Variants in HPSE2 observed in about 807,000 individuals in gnomAD.
HPSE2 encodes heparanase 2 (inactive), also known as inactive heparanase-2.
A neutral mutation model predicts 60.5 loss-of-function variants in HPSE2; 38 were observed. The observed-to-expected ratio is 0.63, with a 90% confidence interval of 0.48 to 0.82. The LOEUF is 0.82. HPSE2 is among the 40% of genes least tolerant of loss of function. The pLI is 0.00. For missense variants in HPSE2, 713 were observed against 740.4 expected, an observed-to-expected ratio of 0.96 and a Z score of 0.43; for synonymous variants, 295 against 293.2, an observed-to-expected ratio of 1.01 and a Z score of -0.06.
intron 10 of HPSE2, among the ~76,000 whole-genome samples, chr10:98,489,842 A>G (rs755830624): frequency 2.0e-5 from 3 of 152,238 alleles, no homozygotes; most frequent in Non-Finnish European, 2.9e-5. Context: ...TTTATGATTA[A>G]TCCTCTAAGT....
chr10:98,512,589 A>AC (rs1055835145), intron 9 of HPSE2, among the ~76,000 whole-genome samples: 1 of 151,590 alleles, frequency 6.6e-6, no homozygotes, highest in African/African-American at 2.4e-5. Context: ...CGTCTCAAAA[A>AC]AAAAAAAAAT....
intron 3 of HPSE2, among the ~76,000 whole-genome samples, chr10:98,935,276 C>T (rs1254633829): frequency 7.0e-6 from 1 of 142,856 alleles, no homozygotes; most frequent in Admixed American, 7.0e-5. Context: ...TTTCTAAAGC[C>T]TACTTCTGTC....
intron 6 of HPSE2, among the ~76,000 whole-genome samples, chr10:98,687,933 T>C (rs1216794651): frequency 6.6e-6 from 1 of 152,226 alleles, no homozygotes; most frequent in Non-Finnish European, 1.5e-5. Flanking sequence ...GTTTAGGACA[T>C]TTACACTTAG....
intron 9 of HPSE2, among the ~76,000 whole-genome samples, chr10:98,612,787 T>C (rs570954230): frequency 6.6e-6 from 1 of 152,318 alleles, no homozygotes; most frequent in South Asian, 2.1e-4. Context: ...GGTGATCTGT[T>C]TAAAATGTAA....
intron 3 of HPSE2, among the ~76,000 whole-genome samples, chr10:98,917,156 A>T (rs1255794569): frequency 6.6e-6 from 1 of 152,184 alleles, no homozygotes; most frequent in Non-Finnish European, 1.5e-5. Flanking sequence ...GTCAACTTAC[A>T]TGCAGACCAC....
At position 99,099,091 on chromosome 10, in the gene HPSE2, C is replaced by A. The variant is rs555128719; in HGVS notation, c.610+45147G>T. Among the ~76,000 whole-genome samples the A allele has an allele frequency of 4.6e-5, 7 of 152,314 alleles. No individual in the cohort carries two copies. The South Asian group carries it at 1.4e-3, about 32-fold the overall frequency. ...TGATGCAGAAGATGGGTGATTTCTG[C>A]ATTTCCAACTGAGGTACTGGGTTCA... On this transcript the variant is annotated intron_variant, in intron 3 of 11. Coordinates refer to ENST00000370552, the MANE Select transcript of HPSE2 (RefSeq NM_021828.5).
chr10:99,144,403 C>CA lies in HPSE2; in HGVS notation c.449-5dup. The CA allele has an allele frequency of 6.2e-7, 1 of 1,612,328 alleles. No individual in the cohort carries two copies. The highest frequency in any genetic ancestry group is 8.5e-7 in the Non-Finnish European group (1 of 1,179,684). ...GCAACATCACTTCGAACAATGTCTACAAAAAGAAAGAAAGAAGGCAGGCAG... is the reference window on the plus strand; with the variant it reads ...GCAACATCACTTCGAACAATGTCTACAAAAAAGAAAGAAAGAAGGCAGGCAG... On this transcript the variant is annotated splice_polypyrimidine_tract_variant and splice_region_variant and intron_variant, in intron 2 of 11. Transcript: ENST00000370552.
chr10:98,788,462 G>C (rs1408272723), intron 3 of HPSE2, among the ~76,000 whole-genome samples: 1 of 134,244 alleles, frequency 7.4e-6, no homozygotes, highest in Non-Finnish European at 1.6e-5. Context: ...TTGAGCTGTG[G>C]TGGGCTCCAC....
intron 3 of HPSE2, among the ~76,000 whole-genome samples, chr10:99,091,430 C>T (rs1843509249): frequency 6.6e-6 from 1 of 152,110 alleles, no homozygotes; most frequent in Non-Finnish European, 1.5e-5. Flanking sequence ...GGTCTCTAGA[C>T]TCTATGTCCA....
intron 9 of HPSE2, among the ~76,000 whole-genome samples, chr10:98,565,282 C>A (rs191043210): frequency 3.9e-5 from 6 of 152,110 alleles, no homozygotes; most frequent in African/African-American, 1.4e-4. Flanking sequence ...AGGTTTTAAG[C>A]CCCACATGCA....
intron 3 of HPSE2, among the ~76,000 whole-genome samples, chr10:98,943,253 A>AG (rs1416303631): frequency 4.0e-4 from 60 of 151,628 alleles, no homozygotes; most frequent in African/African-American, 1.4e-3. Context: ...AAAAAATTAT[A>AG]ATAAAAAAAT....
rs1197687730 is a variant in HPSE2, at chr10:98,623,782, T to A, written c.1099-3074A>T. Among the ~76,000 whole-genome samples, 3 of 152,178 alleles carry A rather than the reference T, an allele frequency of 2.0e-5. No individual in the cohort carries two copies. The East Asian group carries it at 5.8e-4, about 29-fold the overall frequency. ...TAATGCTAATGTAGATTTCCTTGGT[T>A]ATCACCCAAAGGTCTAGAGTATCTT... On this transcript the variant is annotated intron_variant, in intron 7 of 11. Coordinates refer to ENST00000370552, the MANE Select transcript of HPSE2 (RefSeq NM_021828.5).
intron 3 of HPSE2, among the ~76,000 whole-genome samples, chr10:98,896,070 A>C (rs1376885933): frequency 6.6e-6 from 1 of 151,838 alleles, no homozygotes; most frequent in East Asian, 1.9e-4. Flanking sequence ...ATGTACCCTA[A>C]AACTTAAAGT....
At chr10:98,551,329 C>G (rs1455792307) in intron 9 of HPSE2, among the ~76,000 whole-genome samples, 1 of 152,130 alleles carries the variant, frequency 6.6e-6, no homozygotes, top group African/African-American at 2.4e-5. Context: ...GGAATGAAGA[C>G]GTGGACTATG....
intron 11 of HPSE2, among the ~76,000 whole-genome samples, chr10:98,463,695 C>T (rs1940406072): frequency 6.6e-6 from 1 of 152,014 alleles, no homozygotes; most frequent in African/African-American, 2.4e-5. Context: ...GTCCCAACTA[C>T]TTGGGAGGCT....
At chr10:99,201,840 C>T (rs181804705) in intron 2 of HPSE2, among the ~76,000 whole-genome samples, 235 of 152,212 alleles carry the variant, frequency 1.5e-3, no homozygotes, top group South Asian at 6.8e-3. Flanking sequence ...AGCCTAGACT[C>T]CTAGTTTTTT....
chr10:98,621,202 G>A (rs182048646), intron 7 of HPSE2, among the ~76,000 whole-genome samples: 1 of 152,200 alleles, frequency 6.6e-6, no homozygotes, highest in East Asian at 1.9e-4. Flanking sequence ...TACTAGTCCA[G>A]GTATATTGTA....
intron 2 of HPSE2, among the ~76,000 whole-genome samples, chr10:99,155,726 T>G (rs1299382538): frequency 1.3e-5 from 2 of 149,916 alleles, no homozygotes; most frequent in Admixed American, 1.3e-4. Context: ...ATTCAAAAGC[T>G]AGCAGAAGGC....
intron 5 of HPSE2, among the ~76,000 whole-genome samples, chr10:98,694,155 C>T (rs1948151488): frequency 2.0e-5 from 3 of 152,158 alleles, no homozygotes; most frequent in African/African-American, 7.2e-5. Flanking sequence ...TCCAGCTCCC[C>T]ACACATCCCT....
Sources: gnomAD v4.1 joint callset for allele counts (sites outside exome capture counted in the v4.1 genomes callset) on GRCh38, gnomAD v4.1.1 for gene constraint, MANE v1.5 for transcripts, NCBI Gene and HGNC (gene_info 2026-07-23, HGNC 2026-07-21) for gene names.